The following FHL1 variants were observed in gnomAD, a reference collection of about 807,000 sequenced individuals.
FHL1 encodes the protein four and a half LIM domains 1, also known as four and a half LIM domains protein 1.
Under a neutral mutation model 20.3 loss-of-function variants are expected in FHL1, and 1 was observed. The observed-to-expected ratio is 0.05, with a 90% confidence interval of 0.02 to 0.23. The LOEUF is 0.23. Ranked by LOEUF, FHL1 falls within the 10% of genes least tolerant of loss-of-function variation. The pLI is 1.00. For missense variants in FHL1, 177 were observed against 234.0 expected (o/e 0.76, Z 1.59); for synonymous variants, 82 against 88.9 (o/e 0.92, Z 0.44).
chrX:136,197,666 TATTA>T (rs1174805557), intron 1 of FHL1, among the ~76,000 whole-genome samples: 2 of 112,906 alleles, frequency 1.8e-5, no homozygotes, highest in African/African-American at 6.4e-5. Flanking sequence ...CTAAGTATGT[TATTA>T]ATTGTTTTTA....
At chrX:136,147,335 C>CCGCGCGCGCGCGCG (rs778088020), upstream of FHL1, 4 of 86,964 alleles carry the variant, frequency 4.6e-5, no homozygotes, top group East Asian at 3.9e-4. Context: ...CGGCCGTCTC[C>CCGCGCGCGCGCGCG]CGCGCGCGCG....
chrX:136,183,992 A>G (rs2073227036), intron 2 of FHL1, among the ~76,000 whole-genome samples: 1 of 112,145 alleles, frequency 8.9e-6, no homozygotes, highest in East Asian at 2.8e-4. Context: ...TGGAAGTTCA[A>G]ATTATATAGA....
chrX:136,207,239 C>T (rs2148374004), intron 3 of FHL1, 49 bp downstream of exon 3: 2 of 1,142,808 alleles, frequency 1.8e-6, no homozygotes, highest in Non-Finnish European at 2.4e-6. Context: ...GCCCTGAGGG[C>T]AGACGTGATG....
At chrX:136,198,996 G>T (rs2073633019) in intron 1 of FHL1, among the ~76,000 whole-genome samples, 1 of 111,574 alleles carries the variant, frequency 9.0e-6, no homozygotes, top group East Asian at 2.8e-4. Context: ...AAATACAGAA[G>T]ATTTGAGTGA....
chrX:136,176,220 A>C (rs890982761), intron 2 of FHL1, among the ~76,000 whole-genome samples: 3 of 112,490 alleles, frequency 2.7e-5, no homozygotes, highest in African/African-American at 9.7e-5. Flanking sequence ...GTGTCCACTT[A>C]AGGAACATCT....
chrX:136,190,937 T>C (rs774205184), intron 2 of FHL1, among the ~76,000 whole-genome samples: 1 of 111,441 alleles, frequency 9.0e-6, no homozygotes, highest in African/African-American at 3.3e-5. Context: ...TATCATGCCA[T>C]TTTTATGAAG....
At chrX:136,200,159 T>G (rs914301514) in intron 1 of FHL1, among the ~76,000 whole-genome samples, 1 of 112,007 alleles carries the variant, frequency 8.9e-6, no homozygotes, top group Non-Finnish European at 1.9e-5. Context: ...GCATAGAAAG[T>G]CAGGCTACCC....
At chrX:136,190,888 G>A (rs1214379242) in intron 2 of FHL1, among the ~76,000 whole-genome samples, 1 of 111,428 alleles carries the variant, frequency 9.0e-6, no homozygotes, top group Non-Finnish European at 1.9e-5. Flanking sequence ...ATAAAATGAG[G>A]TGATTGGATT....
chrX:136,203,650 C>T (rs1343555341), intron 1 of FHL1, among the ~76,000 whole-genome samples: 1 of 111,973 alleles, frequency 8.9e-6, no homozygotes, highest in African/African-American at 3.3e-5. Flanking sequence ...TGTTCTAGAA[C>T]TATGAGACTA....
chrX:136,206,910 G>A (rs1490994040), intron 2 of FHL1, 106 bp from the exon 3 acceptor site: 1 of 893,193 alleles, frequency 1.1e-6, no homozygotes, highest in Admixed American at 2.2e-5. Flanking sequence ...GTAAGGGACT[G>A]TGTCATCTCA....
chrX:136,178,341 C>T (rs2073058376), intron 2 of FHL1, among the ~76,000 whole-genome samples: 1 of 111,662 alleles, frequency 9.0e-6, no homozygotes, highest in African/African-American at 3.3e-5. Context: ...AGAATAGTAG[C>T]CTCATTGTCT....
At chrX:136,172,485 C>T (rs2072897218) in intron 2 of FHL1, among the ~76,000 whole-genome samples, 1 of 112,198 alleles carries the variant, frequency 8.9e-6, no homozygotes, top group Admixed American at 9.4e-5. Flanking sequence ...TGCAGGGGTA[C>T]AGTTCCAAGT....
intron 2 of FHL1, among the ~76,000 whole-genome samples, chrX:136,175,665 A>G (rs1027096110): frequency 3.6e-5 from 4 of 112,572 alleles, no homozygotes; most frequent in African/African-American, 1.3e-4. Context: ...TCTGTTAATT[A>G]TAATTTTCAC....
In FHL1 at chrX:136,179,207, G is replaced by A. The variant is rs2073092611; in HGVS notation, c.-27+9227G>A. Among the ~76,000 whole-genome samples, 4 of 112,161 alleles carry A rather than the reference G, an allele frequency of 3.6e-5. No individual in the cohort carries two copies. The South Asian group carries it at 1.1e-3, about 31-fold the overall frequency. On this transcript the variant is annotated intron_variant, in intron 2 of 6. Transcript: ENST00000394153. The stretch of plus-strand genomic sequence containing the variant: ...ATAATTGTCAGCGTGCACAGGCATA[G>A]GGATTTATAATCCAGAGGGTCTTTT...
chrX:136,188,258 G>A (rs1160040274), intron 2 of FHL1, among the ~76,000 whole-genome samples: 1 of 111,884 alleles, frequency 8.9e-6, no homozygotes, highest in African/African-American at 3.2e-5. Context: ...AAGAATGTGT[G>A]ATTATCTGGA....
At chrX:136,197,226 G>A (rs866251661) in intron 1 of FHL1, 92 bp downstream of exon 1, 1 of 853,111 alleles carries the variant, frequency 1.2e-6, no homozygotes, top group Non-Finnish European at 1.7e-6. Flanking sequence ...TTGATGAAAT[G>A]ATTTTAGTCT....
chrX:136,208,067 T>G (rs2073896808), intron 4 of FHL1, 106 bp downstream of exon 4: 1 of 953,756 alleles, frequency 1.0e-6, no homozygotes, highest in Admixed American at 2.3e-5. Context: ...ACGACAGCCC[T>G]GTGACGTAGG....
Position 136,155,496 on chromosome X carries a change from C to T in FHL1, c.-101+7868C>T, listed in dbSNP as rs372815416. ...AGGGTCCCAGCAAATGCTACAGCTACATGAAATAATGAGTATGGATACCTA... is the reference window on the plus strand; with the variant it reads ...AGGGTCCCAGCAAATGCTACAGCTATATGAAATAATGAGTATGGATACCTA... On this transcript the variant is annotated intron_variant, in intron 1 of 7. Coordinates refer to the FHL1 transcript ENST00000394155. 4.5e-5 allele frequency among the ~76,000 whole-genome samples: 5 copies of T among 112,313 alleles called. No individual in the cohort carries two copies. In the South Asian group the frequency reaches 1.5e-3, roughly 34 times the overall value.
intron 1 of FHL1, among the ~76,000 whole-genome samples, chrX:136,155,057 T>C (rs370233783): frequency 5.7e-4 from 64 of 112,306 alleles, no homozygotes; most frequent in African/African-American, 1.9e-3. Context: ...TTCCCCCTCT[T>C]CTCCTGCCCC....
Sources: allele counts gnomAD v4.1 joint callset (sites outside exome capture counted in the v4.1 genomes callset), GRCh38; gene constraint gnomAD v4.1.1; transcripts MANE v1.5; gene names NCBI Gene and HGNC (gene_info 2026-07-23, HGNC 2026-07-21).